The following IFTAP variants were observed in gnomAD, a reference collection of about 807,000 sequenced individuals.
IFTAP encodes the protein intraflagellar transport associated protein, also known as intraflagellar transport-associated protein.
Under a neutral mutation model 19.4 loss-of-function variants are expected in IFTAP, and 19 were observed. The ratio of observed to expected loss-of-function variants is 0.98; its 90% confidence interval spans 0.68 to 1.44. The LOEUF (loss-of-function observed/expected upper bound fraction) is 1.44. IFTAP is among the 40% of genes most tolerant of loss of function. IFTAP has a pLI of 0.00. For missense variants in IFTAP, 240 were observed against 253.6 expected (o/e 0.95, Z 0.36); for synonymous variants, 85 against 83.5 (o/e 1.02, Z -0.10).
Position 36,622,707 on chromosome 11 carries a change from CAT to C in IFTAP, c.137-10576_137-10575del, listed in dbSNP as rs372063424. On this transcript the variant is annotated intron_variant, in intron 2 of 5. Coordinates refer to ENST00000334307, the MANE Select transcript of IFTAP (RefSeq NM_138787.4). ...ATTTGGTAAATTTTAAAGACTTACT[CAT>C]GTGTAAAGTTTTATGATTGGGGTTC... 2.0e-3 allele frequency among the ~76,000 whole-genome samples: 310 copies of C among 152,168 alleles called. 2 individuals carry two copies. The highest frequency in any genetic ancestry group is 5.9e-3 in the African/African-American group (245 of 41,524).
chr11:36,605,970 T>A (rs563333448), intron 1 of IFTAP, among the ~76,000 whole-genome samples: 1 of 152,364 alleles, frequency 6.6e-6, no homozygotes, highest in African/African-American at 2.4e-5. Flanking sequence ...CATTGCTTCC[T>A]TTTAGAAACC....
intron 4 of IFTAP, among the ~76,000 whole-genome samples, chr11:36,645,870 C>A (rs922798948): frequency 5.9e-5 from 9 of 152,156 alleles, no homozygotes; most frequent in African/African-American, 2.2e-4. Flanking sequence ...AGACTCGATA[C>A]TTGCTGTTGA....
chr11:36,624,850 A>T (rs1391913498), intron 2 of IFTAP, among the ~76,000 whole-genome samples: 1 of 152,190 alleles, frequency 6.6e-6, no homozygotes, highest in Non-Finnish European at 1.5e-5. Context: ...AGGTCATATT[A>T]TCCTTGGATT....
chr11:36,645,017 A>G (rs894711066), intron 4 of IFTAP, among the ~76,000 whole-genome samples: 6 of 148,066 alleles, frequency 4.1e-5, no homozygotes, highest in Admixed American at 2.0e-4. Flanking sequence ...TAATAATAAT[A>G]AAGAAGTGAT....
intron 2 of IFTAP, among the ~76,000 whole-genome samples, chr11:36,623,328 G>T (rs369789647): frequency 6.6e-6 from 1 of 151,386 alleles, no homozygotes; most frequent in Admixed American, 6.6e-5. Context: ...TATGAATAAG[G>T]TCTGTAGCTT....
intron 1 of IFTAP, among the ~76,000 whole-genome samples, chr11:36,600,932 CAG>C (rs1186195825): frequency 2.0e-5 from 3 of 152,158 alleles, no homozygotes; most frequent in African/African-American, 7.2e-5. Flanking sequence ...TCAAACTACT[CAG>C]GATCAGAAAA....
intron 4 of IFTAP, among the ~76,000 whole-genome samples, chr11:36,640,062 T>G (rs375988065): frequency 6.6e-6 from 1 of 152,188 alleles, no homozygotes; most frequent in African/African-American, 2.4e-5. Flanking sequence ...AAATAGTTGA[T>G]TTTTGTGATT....
At chr11:36,619,068 G>A (rs533404029) in intron 2 of IFTAP, among the ~76,000 whole-genome samples, 1 of 152,056 alleles carries the variant, frequency 6.6e-6, no homozygotes, top group East Asian at 1.9e-4. Context: ...GGCCCACAGA[G>A]GCCAAGTGAC....
At chr11:36,599,978 C>T (rs1851445178) in intron 1 of IFTAP, among the ~76,000 whole-genome samples, 1 of 152,150 alleles carries the variant, frequency 6.6e-6, no homozygotes, top group Admixed American at 6.5e-5. Flanking sequence ...ATTTTACTAA[C>T]ATCAAAAAAC....
At chr11:36,640,830 C>G (rs988916661) in intron 4 of IFTAP, among the ~76,000 whole-genome samples, 2 of 152,058 alleles carry the variant, frequency 1.3e-5, no homozygotes, top group Admixed American at 1.3e-4. Context: ...CTACATAACA[C>G]AGTGAACCAA....
intron 1 of IFTAP, among the ~76,000 whole-genome samples, chr11:36,596,709 A>G (rs1229809019): frequency 6.6e-6 from 1 of 152,194 alleles, no homozygotes; most frequent in Non-Finnish European, 1.5e-5. Context: ...GATGACTGTT[A>G]TTGAGATACA....
At chr11:36,645,581 T>C (rs910108884) in intron 4 of IFTAP, among the ~76,000 whole-genome samples, 1 of 152,124 alleles carries the variant, frequency 6.6e-6, no homozygotes, top group Non-Finnish European at 1.5e-5. Flanking sequence ...TTTTTTCTCC[T>C]GAGAGAATAT....
intron 2 of IFTAP, among the ~76,000 whole-genome samples, chr11:36,620,451 A>G (rs1852249606): frequency 1.3e-5 from 2 of 152,002 alleles, no homozygotes; most frequent in Admixed American, 1.3e-4. Flanking sequence ...ATTATGAAAC[A>G]CACAAAAATT....
intron 4 of IFTAP, among the ~76,000 whole-genome samples, chr11:36,645,662 T>C (rs1853452248): frequency 1.3e-5 from 2 of 152,286 alleles, no homozygotes; most frequent in Admixed American, 1.3e-4. Flanking sequence ...TTATAACATA[T>C]GCCTTGCCAG....
intron 2 of IFTAP, among the ~76,000 whole-genome samples, chr11:36,615,996 T>G (rs1169224249): frequency 1.3e-5 from 2 of 152,000 alleles, no homozygotes; most frequent in Non-Finnish European, 2.9e-5. Context: ...TGCTCCTACC[T>G]TTTAGAGTGG....
At chr11:36,621,550 G>A (rs1236694239) in intron 2 of IFTAP, among the ~76,000 whole-genome samples, 1 of 151,858 alleles carries the variant, frequency 6.6e-6, no homozygotes, top group Non-Finnish European at 1.5e-5. Flanking sequence ...TTTGCCTTTT[G>A]CATTCAATTT....
intron 1 of IFTAP, among the ~76,000 whole-genome samples, chr11:36,596,479 T>A (rs1222813308): frequency 2.0e-5 from 3 of 152,176 alleles, no homozygotes; most frequent in South Asian, 4.1e-4. Context: ...ATCTAGGCAG[T>A]GTTTTATTTA....
chr11:36,605,387 C>G (rs1040913097), intron 1 of IFTAP, among the ~76,000 whole-genome samples: 3 of 149,586 alleles, frequency 2.0e-5, no homozygotes, highest in African/African-American at 7.4e-5. Context: ...TTTAGGTCTA[C>G]TACTCTTGTG....
At chr11:36,600,465 G>A (rs1395282186) in intron 1 of IFTAP, among the ~76,000 whole-genome samples, 1 of 152,224 alleles carries the variant, frequency 6.6e-6, no homozygotes, top group Non-Finnish European at 1.5e-5. Context: ...ATGTGAGGGA[G>A]CTAGGTTGTG....
Sources: gnomAD v4.1 joint callset for allele counts (sites outside exome capture counted in the v4.1 genomes callset) on GRCh38, gnomAD v4.1.1 for gene constraint, MANE v1.5 for transcripts, NCBI Gene and HGNC (gene_info 2026-07-23, HGNC 2026-07-21) for gene names.